GLRA2: variants seen among roughly 807,000 people sequenced by gnomAD.
GLRA2 encodes the protein glycine receptor alpha 2.
Under a neutral mutation model 31.6 loss-of-function variants are expected in GLRA2, and 11 were observed. The observed-to-expected ratio is 0.35, with a 90% CI of 0.22 to 0.58. GLRA2 has a LOEUF of 0.58. GLRA2 is among the 20% of genes least tolerant of loss of function. The pLI is 0.84. For synonymous variants in GLRA2, 132 were observed against 134.0 expected (o/e 0.99, Z 0.10); for missense variants, 212 against 351.8 (o/e 0.60, Z 3.18).
At chrX:14,622,099 C>A (rs1419792757) in intron 7 of GLRA2, among the ~76,000 whole-genome samples, 1 of 112,456 alleles carries the variant, frequency 8.9e-6, no homozygotes, top group African/African-American at 3.2e-5. Flanking sequence ...ATTTGCATTT[C>A]TCTGATGGCC....
intron 4 of GLRA2, among the ~76,000 whole-genome samples, chrX:14,592,152 A>C (rs1291287186): frequency 9.0e-6 from 1 of 111,401 alleles, no homozygotes; most frequent in Non-Finnish European, 1.9e-5. Flanking sequence ...CTCCTTCCCA[A>C]ACCACAAAAC....
the GLRA2 span, among the ~76,000 whole-genome samples, chrX:14,523,522 A>G: frequency 8.9e-6 from 1 of 112,285 alleles, no homozygotes; most frequent in Non-Finnish European, 1.9e-5. Context: ...CTTTTGGCCT[A>G]TCTCAGCTTT....
chrX:14,510,754 C>T, the GLRA2 span, among the ~76,000 whole-genome samples: 1 of 111,078 alleles, frequency 9.0e-6, no homozygotes, highest in African/African-American at 3.3e-5. Flanking sequence ...TGAATTATGG[C>T]ATCATTTTAT....
intron 7 of GLRA2, among the ~76,000 whole-genome samples, chrX:14,618,995 C>T (rs1041004431): frequency 9.0e-6 from 1 of 111,616 alleles, no homozygotes; most frequent in Non-Finnish European, 1.9e-5. Flanking sequence ...AGATCGGACA[C>T]ACCTAATAAT....
At chrX:14,524,975 C>A (rs1016072159), upstream of GLRA2, among the ~76,000 whole-genome samples, 3 of 110,612 alleles carry the variant, frequency 2.7e-5, no homozygotes, top group African/African-American at 9.9e-5. Flanking sequence ...GATAAACTTA[C>A]ACAAACTATA....
At chrX:14,691,390 T>C (rs760469069) in intron 8 of GLRA2, among the ~76,000 whole-genome samples, 69 of 110,330 alleles carry the variant, frequency 6.3e-4, no homozygotes, top group Non-Finnish European at 9.5e-4. Context: ...TCTGGCTTTA[T>C]GTAAATTATG....
the GLRA2 span, among the ~76,000 whole-genome samples, chrX:14,460,267 G>A: frequency 2.7e-5 from 3 of 111,694 alleles, no homozygotes; most frequent in Non-Finnish European, 3.8e-5. Context: ...TACTGAATTC[G>A]GTTTGCCAGT....
intron 1 of GLRA2, chrX:14,531,264 T>C (rs748342612): frequency 2.1e-4 from 93 of 442,981 alleles, no homozygotes; most frequent in Non-Finnish European, 3.1e-4. Flanking sequence ...TACCCCTTCT[T>C]TGAAAAGCTG....
chrX:14,517,296 A>G, the GLRA2 span, among the ~76,000 whole-genome samples: 1 of 112,332 alleles, frequency 8.9e-6, no homozygotes, highest in Non-Finnish European at 1.9e-5. Flanking sequence ...AATTATTTAA[A>G]TATGTGCCAT....
chrX:14,729,390 C>CCAAA (rs2091965093), intron 8 of GLRA2, among the ~76,000 whole-genome samples: 1 of 110,922 alleles, frequency 9.0e-6, no homozygotes, highest in African/African-American at 3.3e-5. Context: ...CTCCTTTGAC[C>CCAAA]CAAACACATA....
intron 8 of GLRA2, among the ~76,000 whole-genome samples, chrX:14,726,507 A>C (rs1169677748): frequency 8.9e-6 from 1 of 112,637 alleles, no homozygotes; most frequent in African/African-American, 3.2e-5. Flanking sequence ...AGCTATAACT[A>C]TGCTCAGAAG....
chrX:14,694,266 C>A (rs1477915271), intron 8 of GLRA2, among the ~76,000 whole-genome samples: 2 of 111,219 alleles, frequency 1.8e-5, no homozygotes, highest in African/African-American at 6.5e-5. Context: ...GAGGGTAAAA[C>A]AAATTTCTGC....
intron 7 of GLRA2, among the ~76,000 whole-genome samples, chrX:14,640,463 C>T (rs1300754183): frequency 1.8e-5 from 2 of 111,566 alleles, no homozygotes; most frequent in Non-Finnish European, 3.8e-5. Flanking sequence ...AAAACATATA[C>T]ATTAAAATGC....
chrX:14,558,338 T>A (rs2089679570), intron 2 of GLRA2, among the ~76,000 whole-genome samples: 1 of 112,297 alleles, frequency 8.9e-6, no homozygotes, highest in African/African-American at 3.2e-5. Context: ...AGCATCATTA[T>A]TTCTATTCTG....
At chrX:14,616,382 C>G (rs1240149509) in intron 7 of GLRA2, among the ~76,000 whole-genome samples, 1 of 111,110 alleles carries the variant, frequency 9.0e-6, no homozygotes. Context: ...AAGCAAGGAT[C>G]CAGAGGCATT....
Position 14,730,213 on chromosome X carries a change from G to C in GLRA2, c.1087G>C (p.Asp363His). 1 of 1,199,345 alleles carries C rather than the reference G, an allele frequency of 8.3e-7. No homozygotes were observed. The highest frequency in any genetic ancestry group is 1.1e-6 in the Non-Finnish European group (1 of 884,576). ...RRQKRQNKEE[D>H]VTRESRFNFS... The stretch of plus-strand genomic sequence containing the variant: ...TCTGTCTTTATTCCGTCAGGAAGAA[G>C]ACGTTACTCGTGAAAGTCGTTTTAA... The change falls in exon 9 of 9, where the codon GAC (aspartate) becomes CAC (histidine). Residue 363 changes from aspartate to histidine, a missense_variant. By Grantham distance (81) the Asp-to-His change is moderately conservative. Transcript: ENST00000218075.
intron 8 of GLRA2, among the ~76,000 whole-genome samples, chrX:14,692,215 G>A (rs2091371450): frequency 8.9e-6 from 1 of 112,094 alleles, no homozygotes; most frequent in African/African-American, 3.2e-5. Context: ...AGGAAAACAA[G>A]TAAACAAGCA....
At chrX:14,510,716 G>T in the GLRA2 span, among the ~76,000 whole-genome samples, 2 of 111,481 alleles carry the variant, frequency 1.8e-5, no homozygotes, top group Admixed American at 9.5e-5. Flanking sequence ...CAGTCAGATT[G>T]TTTTTGATAT....
chrX:14,701,852 A>G (rs2091546137), intron 8 of GLRA2, among the ~76,000 whole-genome samples: 1 of 112,447 alleles, frequency 8.9e-6, no homozygotes, highest in South Asian at 3.7e-4. Flanking sequence ...TTAAATGAGA[A>G]AGAAAACTTG....
Sources: allele counts gnomAD v4.1 joint callset (sites outside exome capture counted in the v4.1 genomes callset), GRCh38; gene constraint gnomAD v4.1.1; transcripts MANE v1.5; gene names NCBI Gene and HGNC (gene_info 2026-07-23, HGNC 2026-07-21).